Variants in RAB11FIP4 observed in about 807,000 individuals in gnomAD.
The protein encoded by RAB11FIP4 is rab11 family-interacting protein 4.
RAB11FIP4 carries 23 observed loss-of-function variants against 74.3 expected under a neutral mutation model. The ratio of observed to expected loss-of-function variants is 0.31; its 90% CI spans 0.22 to 0.44. The LOEUF (loss-of-function observed/expected upper bound fraction) is 0.44. Among genes scored for constraint, RAB11FIP4 ranks in the 20% least tolerant of loss-of-function variants. The probability of loss-of-function intolerance (pLI) is 1.00; values close to 1 mark genes in which losing one functional copy is unlikely to be tolerated. For missense variants in RAB11FIP4, 630 were observed against 863.9 expected (o/e 0.73, Z 3.39); for synonymous variants, 360 against 359.9 (o/e 1.00, Z 0.00).
At chr17:31,398,820 T>G (rs1472618968) in intron 1 of RAB11FIP4, among the ~76,000 whole-genome samples, 1 of 152,156 alleles carries the variant, frequency 6.6e-6, no homozygotes, top group East Asian at 1.9e-4. Flanking sequence ...GATTCCTGTG[T>G]GCTGCCTGGG....
chr17:31,487,351 C>G (rs1029001177), intron 3 of RAB11FIP4, among the ~76,000 whole-genome samples: 2 of 152,172 alleles, frequency 1.3e-5, no homozygotes, highest in African/African-American at 4.8e-5. Flanking sequence ...AACTCCTGGC[C>G]TCAAAGATCC....
Position 31,523,945 on chromosome 17 carries a change from A to T in RAB11FIP4, c.1082A>T (p.Asn361Ile). ...GAGCTGGAGAATGACAGCCTGACCA[A>T]TGGGGACCTGAAGAGCAAGCTGAAG... ...VTELENDSLT[N>I]GDLKSKLKQE... is the part of the protein sequence containing the mutation. Residue 361 changes from asparagine (N) to isoleucine (I), a missense_variant, in exon 9 of 15, where the codon AAT (asparagine) becomes ATT (isoleucine). Asn to Ile is a moderately radical substitution (Grantham distance 149). Coordinates refer to ENST00000621161, the MANE Select transcript of RAB11FIP4 (RefSeq NM_032932.6). 6.2e-7 allele frequency: 1 copy of T among 1,612,842 alleles called. No individual in the cohort carries two copies. Among genetic ancestry groups the T allele is most frequent in the South Asian group, 1.1e-5 (1 of 90,876 alleles).
intron 3 of RAB11FIP4, among the ~76,000 whole-genome samples, chr17:31,468,191 TG>T (rs1458299428): frequency 6.6e-6 from 1 of 152,160 alleles, no homozygotes; most frequent in Non-Finnish European, 1.5e-5. Flanking sequence ...CTCTGGGCTG[TG>T]AACTTGGGAC....
intron 3 of RAB11FIP4, among the ~76,000 whole-genome samples, chr17:31,490,296 C>T (rs1219730053): frequency 1.3e-5 from 2 of 152,200 alleles, no homozygotes; most frequent in Non-Finnish European, 2.9e-5. Context: ...CCTCCTTCAT[C>T]TGTACCCGTA....
intron 3 of RAB11FIP4, among the ~76,000 whole-genome samples, chr17:31,514,465 C>T (rs1413199970): frequency 6.8e-6 from 1 of 146,246 alleles, no homozygotes; most frequent in Non-Finnish European, 1.5e-5. Flanking sequence ...GTTGGGGAAA[C>T]AGAATCATGT....
At chr17:31,509,805 G>A (rs2072419238) in intron 3 of RAB11FIP4, among the ~76,000 whole-genome samples, 1 of 152,272 alleles carries the variant, frequency 6.6e-6, no homozygotes, top group Non-Finnish European at 1.5e-5. Context: ...GCTCTGTTGG[G>A]GTGAGCCGAG....
chr17:31,450,601 T>C (rs934739983), intron 3 of RAB11FIP4, among the ~76,000 whole-genome samples: 1 of 151,942 alleles, frequency 6.6e-6, no homozygotes, highest in Non-Finnish European at 1.5e-5. Context: ...CACCTCAGCC[T>C]TGCCCGCCCT....
At chr17:31,410,347 A>T in intron 1 of RAB11FIP4, among the ~76,000 whole-genome samples, 1 of 152,064 alleles carries the variant, frequency 6.6e-6, no homozygotes, top group African/African-American at 2.4e-5. Context: ...ATGATGATGA[A>T]GGAGAAACAT....
At chr17:31,506,224 A>C (rs1343263093) in intron 3 of RAB11FIP4, among the ~76,000 whole-genome samples, 2 of 152,154 alleles carry the variant, frequency 1.3e-5, no homozygotes, top group East Asian at 3.8e-4. Context: ...AGTATTACTG[A>C]TGTGGTAGAG....
intron 3 of RAB11FIP4, among the ~76,000 whole-genome samples, chr17:31,474,384 T>G (rs969525828): frequency 2.0e-5 from 3 of 151,940 alleles, no homozygotes; most frequent in African/African-American, 7.3e-5. Flanking sequence ...AAGAAAGGTT[T>G]AAAGGGACCA....
intron 4 of RAB11FIP4, among the ~76,000 whole-genome samples, chr17:31,518,936 G>T (rs928300836): frequency 1.3e-5 from 2 of 148,534 alleles, no homozygotes; most frequent in Non-Finnish European, 3.0e-5. Flanking sequence ...GGGTTCAAGC[G>T]ATTCTCCTGC....
At chr17:31,442,303 G>T (rs1258345382) in intron 3 of RAB11FIP4, among the ~76,000 whole-genome samples, 1 of 152,014 alleles carries the variant, frequency 6.6e-6, no homozygotes, top group Non-Finnish European at 1.5e-5. Context: ...CCAGCCAGGT[G>T]TATATATATA....
intron 3 of RAB11FIP4, among the ~76,000 whole-genome samples, chr17:31,470,142 T>C (rs2071723956): frequency 6.6e-6 from 1 of 152,152 alleles, no homozygotes; most frequent in African/African-American, 2.4e-5. Context: ...GAGTCGCTGC[T>C]TCTGAGACCC....
At chr17:31,498,116 C>T (rs2072151151) in intron 3 of RAB11FIP4, among the ~76,000 whole-genome samples, 1 of 152,118 alleles carries the variant, frequency 6.6e-6, no homozygotes, top group African/African-American at 2.4e-5. Flanking sequence ...GGGCCTGGTT[C>T]TGTGGGCAGT....
chr17:31,421,824 G>A (rs905096148), intron 1 of RAB11FIP4, among the ~76,000 whole-genome samples: 4 of 151,886 alleles, frequency 2.6e-5, no homozygotes, highest in Non-Finnish European at 5.9e-5. Flanking sequence ...CCCTCCCAAA[G>A]TGCCAGGATT....
At chr17:31,467,099 C>CTTT (rs1555545835) in intron 3 of RAB11FIP4, among the ~76,000 whole-genome samples, 1 of 148,884 alleles carries the variant, frequency 6.7e-6, no homozygotes, top group African/African-American at 2.5e-5. Context: ...CTGAGTATTT[C>CTTT]TTTCTTTTCT....
chr17:31,429,378 G>C (rs773886945), intron 1 of RAB11FIP4, among the ~76,000 whole-genome samples: 6 of 152,186 alleles, frequency 3.9e-5, no homozygotes, highest in Non-Finnish European at 7.3e-5. Flanking sequence ...ATAGACTTGG[G>C]TGTGCAACCG....
chr17:31,513,983 G>A (rs1174204195), intron 3 of RAB11FIP4, among the ~76,000 whole-genome samples: 4 of 152,202 alleles, frequency 2.6e-5, no homozygotes, highest in African/African-American at 7.2e-5. Flanking sequence ...CAGCTCGCAC[G>A]GGGCTGTTGT....
At chr17:31,413,409 G>A (rs558971647) in intron 1 of RAB11FIP4, among the ~76,000 whole-genome samples, 31 of 152,184 alleles carry the variant, frequency 2.0e-4, no homozygotes, top group African/African-American at 6.7e-4. Flanking sequence ...CGGAGGGCAC[G>A]GAGGGAGCTG....
Sources: allele counts gnomAD v4.1 joint callset (sites outside exome capture counted in the v4.1 genomes callset), GRCh38; gene constraint gnomAD v4.1.1; transcripts MANE v1.5; gene names NCBI Gene and HGNC (gene_info 2026-07-23, HGNC 2026-07-21).